Variants in ATP6V1E2 observed in about 807,000 individuals in gnomAD.
The protein encoded by ATP6V1E2 is V-type proton ATPase subunit E 2.
For synonymous variants in ATP6V1E2, 121 were observed against 104.2 expected (o/e 1.16, Z -0.98); for missense variants, 308 against 273.3 (o/e 1.13, Z -0.90).
At chr2:46,518,279 G>C (rs1032340886) in intron 4 of ATP6V1E2, among the ~76,000 whole-genome samples, 1 of 152,008 alleles carries the variant, frequency 6.6e-6, no homozygotes, top group East Asian at 1.9e-4. Context: ...TCCACTTATG[G>C]GATATCTAAA....
chr2:46,535,085 T>C lies in ATP6V1E2; in HGVS notation c.-102+728A>G, dbSNP rs1239679603. 6.6e-6 allele frequency: 1 copy of C among 152,222 alleles called. No individual in the cohort carries two copies. The highest frequency in any genetic ancestry group is 1.5e-5 in the Non-Finnish European group (1 of 68,032). The allele number at this position is 152,222 out of a possible 1,614,324, so 9.4% of individuals were successfully genotyped here. Reference sequence around the variant, plus strand: ...TATGCTCTGCTTGGGTTCCCCCTCATTGTGCTGCAATTTAGACAGCATTTT... The same window carrying C: ...TATGCTCTGCTTGGGTTCCCCCTCACTGTGCTGCAATTTAGACAGCATTTT... On this transcript the variant is annotated intron_variant, in intron 4 of 4. Coordinates refer to ENST00000522587, the MANE Select transcript of ATP6V1E2 (RefSeq NM_001318063.2). The surrounding 1 kb of genome is among the most constrained non-coding windows in gnomAD (Gnocchi z 4.4).
intron 4 of ATP6V1E2, among the ~76,000 whole-genome samples, chr2:46,531,895 T>C (rs1275730133): frequency 6.6e-6 from 1 of 152,252 alleles, no homozygotes; most frequent in African/African-American, 2.4e-5. Flanking sequence ...TGTCATTTTA[T>C]TGTTGAATGA....
At chr2:46,523,082 TG>T (rs1434796732) in intron 4 of ATP6V1E2, among the ~76,000 whole-genome samples, 6 of 152,140 alleles carry the variant, frequency 3.9e-5, no homozygotes, top group East Asian at 3.8e-4. Context: ...CACTTTTTGA[TG>T]TTTTTTTTTA....
intron 4 of ATP6V1E2, among the ~76,000 whole-genome samples, chr2:46,518,101 C>G (rs181541604): frequency 6.6e-6 from 1 of 152,302 alleles, no homozygotes; most frequent in African/African-American, 2.4e-5. Context: ...AAACAATCTA[C>G]AAGCTTACTG....
chr2:46,522,299 G>A (rs1005388579), intron 4 of ATP6V1E2, among the ~76,000 whole-genome samples: 1 of 150,962 alleles, frequency 6.6e-6, no homozygotes, highest in African/African-American at 2.4e-5. Context: ...AAAAAAAAAG[G>A]ATAATGGCAG....
chr2:46,520,508 G>A (rs574016563), intron 4 of ATP6V1E2, among the ~76,000 whole-genome samples: 1 of 152,202 alleles, frequency 6.6e-6, no homozygotes, highest in Non-Finnish European at 1.5e-5. Flanking sequence ...TTCACGACTG[G>A]GGCCTCCCCG....
chr2:46,537,488 A>T (rs192236624), intron 2 of ATP6V1E2: 182 of 152,234 alleles, frequency 1.2e-3, no homozygotes, highest in African/African-American at 4.2e-3. Flanking sequence ...TGGTATATGG[A>T]TGGTGATGCC....
chr2:46,518,490 A>ACAACACAC (rs1471974728), intron 4 of ATP6V1E2, among the ~76,000 whole-genome samples: 1 of 140,912 alleles, frequency 7.1e-6, no homozygotes, highest in Non-Finnish European at 1.5e-5. Context: ...ACACACACAC[A>ACAACACAC]ACACACACAC....
chr2:46,537,116 G>A (rs911089958), intron 2 of ATP6V1E2, among the ~76,000 whole-genome samples: 1 of 152,150 alleles, frequency 6.6e-6, no homozygotes, highest in African/African-American at 2.4e-5. Flanking sequence ...GTGTAGCCAG[G>A]GGAAGGCCTA....
At chr2:46,528,770 A>G (rs535581961) in intron 4 of ATP6V1E2, among the ~76,000 whole-genome samples, 2 of 152,262 alleles carry the variant, frequency 1.3e-5, no homozygotes, top group Non-Finnish European at 2.9e-5. Flanking sequence ...CTACTTCTGT[A>G]AAACCAGGAT....
At chr2:46,518,601 C>G (rs1268033155) in intron 4 of ATP6V1E2, among the ~76,000 whole-genome samples, 3 of 151,606 alleles carry the variant, frequency 2.0e-5, no homozygotes, top group Non-Finnish European at 2.9e-5. Flanking sequence ...AAAGACCAAG[C>G]CCTTGGGTTC....
chr2:46,525,294 C>G (rs71423912), intron 4 of ATP6V1E2, among the ~76,000 whole-genome samples: 2 of 150,370 alleles, frequency 1.3e-5, no homozygotes, highest in Non-Finnish European at 3.0e-5. Flanking sequence ...AACCCCGTCT[C>G]TACTAAAAAT....
rs761833093 is a variant in ATP6V1E2, at chr2:46,512,531, C to A, written c.181G>T (p.Glu61Ter). 2.5e-6 allele frequency: 4 copies of A among 1,614,228 alleles called. No individual in the cohort carries two copies. The highest frequency in any genetic ancestry group is 3.4e-6 in the Non-Finnish European group (4 of 1,180,056). The change falls in exon 5 of 5, where the codon GAG becomes TAG. Residue 61 changes from glutamate to a stop codon, truncating the protein, a stop_gained. Transcript: ENST00000522587. LOFTEE classifies it low-confidence loss of function (END_TRUNC). ...LKIMEYYEKKEKQIEQQKKIL... is the reference protein window; with the variant it reads ...LKIMEYYEKK The stretch of plus-strand genomic sequence containing the variant: ...TTCTTCTGCTGCTCTATCTGCTTCT[C>A]CTTTTTCTCATAATACTCCATAATC...
chr2:46,525,490 G>A (rs112585193), intron 4 of ATP6V1E2, among the ~76,000 whole-genome samples: 711 of 100,408 alleles, frequency 7.1e-3, no homozygotes, highest in Middle Eastern at 0.011. Context: ...AAAAAAAAAA[G>A]AAAGCAGGGA....
chr2:46,511,874 C>T lies in ATP6V1E2; in HGVS notation c.*157G>A. ...CTGAGCATTAATTTGGGCTTTATTT[C>T]AAAGTTAACACTTTAGCTATCCAAA... On this transcript the variant is annotated 3_prime_UTR_variant, in exon 5 of 5. Coordinates refer to ENST00000522587, the MANE Select transcript of ATP6V1E2 (RefSeq NM_001318063.2). 1 of 639,374 alleles carries T rather than the reference C, an allele frequency of 1.6e-6. No individual in the cohort carries two copies. Among genetic ancestry groups the T allele is most frequent in the Admixed American group, 3.7e-5 (1 of 27,310 alleles). The allele number at this position is 639,374 out of a possible 1,614,324, so 39.6% of individuals were successfully genotyped here. A position where few individuals can be genotyped will look rare whatever the true frequency, so the allele number is the denominator to read the frequency against.
intron 4 of ATP6V1E2, among the ~76,000 whole-genome samples, chr2:46,517,710 T>C (rs1016982175): frequency 6.6e-6 from 1 of 152,046 alleles, no homozygotes; most frequent in Non-Finnish European, 1.5e-5. Context: ...AAAGAAGACA[T>C]ACAAAGGCCA....
chr2:46,534,424 T>C (rs185881647), intron 4 of ATP6V1E2: 168 of 152,322 alleles, frequency 1.1e-3, no homozygotes, highest in African/African-American at 2.8e-3. Flanking sequence ...TTCTTCACTA[T>C]GTTCATGTTT....
At chr2:46,522,729 G>A (rs1666703461) in intron 4 of ATP6V1E2, among the ~76,000 whole-genome samples, 2 of 152,194 alleles carry the variant, frequency 1.3e-5, no homozygotes, top group African/African-American at 4.8e-5. Flanking sequence ...ATAGTAGAAT[G>A]ATTTATAATC....
rs996904345 is a variant in ATP6V1E2 at position 46,512,267 on chromosome 2, G to C, written c.445C>G (p.Gln149Glu). 4 of 1,612,612 alleles carry C rather than the reference G, an allele frequency of 2.5e-6. No homozygotes were observed. Among genetic ancestry groups the C allele is most frequent in the South Asian group, 1.1e-5 (1 of 90,898 alleles). The stretch of plus-strand genomic sequence containing the variant: ...GTCATGTACTCGGGGATGGCTTTTT[G>C]TACAGCAGCCTCCACCAGGAGGAGG... ...QDLLLVEAAV[Q>E]KAIPEYMTIS... Residue 149 changes from glutamine to glutamate, a missense_variant, in exon 5 of 5, where the codon CAA becomes GAA. Transcript: ENST00000522587.
Sources: gnomAD v4.1 joint callset for allele counts (sites outside exome capture counted in the v4.1 genomes callset) on GRCh38, gnomAD v4.1.1 for gene constraint, Gnocchi (gnomAD v3.1) non-coding constraint, MANE v1.5 for transcripts, NCBI Gene and HGNC (gene_info 2026-07-23, HGNC 2026-07-21) for gene names.